MAN1A2: variants seen among roughly 807,000 people sequenced by gnomAD.
MAN1A2 encodes the protein mannosidase alpha class 1A member 2, also known as mannosyl-oligosaccharide 1,2-alpha-mannosidase IB.
In MAN1A2, 26 loss-of-function variants were observed where a neutral mutation model predicts 75.7. The ratio of observed to expected loss-of-function variants is 0.34; its 90% CI spans 0.25 to 0.48. The LOEUF (loss-of-function observed/expected upper bound fraction) is 0.48. Ranked by LOEUF, MAN1A2 falls within the 20% of genes least tolerant of loss-of-function variation. The pLI, the probability that MAN1A2 is intolerant of heterozygous loss-of-function variation, is 0.99. For missense variants in MAN1A2, 562 were observed against 775.5 expected (o/e 0.72, Z 3.27); for synonymous variants, 247 against 264.6 (o/e 0.93, Z 0.65).
intron 8 of MAN1A2, among the ~76,000 whole-genome samples, chr1:117,473,233 T>G (rs1318811045): frequency 6.6e-6 from 1 of 151,964 alleles, no homozygotes; most frequent in Non-Finnish European, 1.5e-5. Context: ...GCCATAAATC[T>G]TGTTGTCATC....
At chr1:117,399,892 T>C (rs1647361527) in intron 1 of MAN1A2, among the ~76,000 whole-genome samples, 1 of 152,182 alleles carries the variant, frequency 6.6e-6, no homozygotes, top group African/African-American at 2.4e-5. Flanking sequence ...GTTTTATGGC[T>C]ACCCTTAGCT....
chr1:117,493,375 A>G (rs1650945079), intron 9 of MAN1A2, 113 bp downstream of exon 9: 1 of 584,072 alleles, frequency 1.7e-6, no homozygotes. Flanking sequence ...GTAAATACAT[A>G]CAAACATTTT....
intron 6 of MAN1A2, among the ~76,000 whole-genome samples, chr1:117,453,238 G>T (rs1165872549): frequency 6.6e-6 from 1 of 152,170 alleles, no homozygotes; most frequent in Non-Finnish European, 1.5e-5. Context: ...ATGGGTCAAG[G>T]AGTGATTAAG....
chr1:117,404,149 A>G (rs1289942), intron 2 of MAN1A2, among the ~76,000 whole-genome samples: 9 of 152,200 alleles, frequency 5.9e-5, no homozygotes, highest in African/African-American at 1.9e-4. Flanking sequence ...TCTGTCTTAG[A>G]TGTTGCTAAT....
At chr1:117,372,751 AC>A (rs1653006124) in intron 1 of MAN1A2, among the ~76,000 whole-genome samples, 2 of 151,968 alleles carry the variant, frequency 1.3e-5, no homozygotes, top group South Asian at 4.2e-4. Context: ...ATAATTAAAA[AC>A]TTTTTTTTTT....
At chr1:117,520,102 G>A (rs1651827824) in intron 12 of MAN1A2, among the ~76,000 whole-genome samples, 2 of 152,020 alleles carry the variant, frequency 1.3e-5, no homozygotes, top group Admixed American at 1.3e-4. Context: ...TTCAGAAAAA[G>A]CATTTGGCAA....
At chr1:117,476,966 G>A (rs1000162094) in intron 8 of MAN1A2, among the ~76,000 whole-genome samples, 8 of 152,004 alleles carry the variant, frequency 5.3e-5, no homozygotes, top group Non-Finnish European at 7.4e-5. Flanking sequence ...ACATTTTCAC[G>A]ATATTGATTC....
chr1:117,402,656 A>T (rs1002147717), intron 2 of MAN1A2, among the ~76,000 whole-genome samples: 1 of 151,224 alleles, frequency 6.6e-6, no homozygotes, highest in African/African-American at 2.4e-5. Context: ...AATATTTTTG[A>T]TACAACTTTT....
chr1:117,504,312 CT>C, intron 12 of MAN1A2, among the ~76,000 whole-genome samples: 1 of 141,878 alleles, frequency 7.0e-6, no homozygotes, highest in African/African-American at 2.5e-5. Context: ...AGTATCTCTC[CT>C]GTTTTTTTTT....
chr1:117,414,389 A>T (rs1327106582), intron 3 of MAN1A2, among the ~76,000 whole-genome samples: 1 of 151,390 alleles, frequency 6.6e-6, no homozygotes, highest in East Asian at 1.9e-4. Flanking sequence ...AAGTAGATAG[A>T]TATCTCATAT....
intron 6 of MAN1A2, among the ~76,000 whole-genome samples, chr1:117,442,649 G>C (rs1649072350): frequency 6.6e-6 from 1 of 151,876 alleles, no homozygotes; most frequent in Non-Finnish European, 1.5e-5. Context: ...TTTCCATTTA[G>C]TGCTAGAATA....
chr1:117,503,512 C>T lies in MAN1A2; in HGVS notation c.1793+542C>T, dbSNP rs938100675. ...GGAAAAGAGTAGACAACTTTATTTT[C>T]GTCTTATACTCCAAACCCCAGGTAG... On this transcript the variant is annotated intron_variant, in intron 12 of 12. Transcript: ENST00000356554. 1.3e-4 allele frequency among the ~76,000 whole-genome samples: 20 copies of T among 151,538 alleles called. No individual in the cohort carries two copies. In the East Asian group the frequency reaches 1.4e-3, roughly 10 times the overall value.
At chr1:117,462,325 A>C (rs566383825) in intron 7 of MAN1A2, among the ~76,000 whole-genome samples, 1 of 152,322 alleles carries the variant, frequency 6.6e-6, no homozygotes, top group East Asian at 1.9e-4. Flanking sequence ...AATAGTAATG[A>C]AAAATGAATT....
chr1:117,425,547 G>A (rs545382494), intron 5 of MAN1A2, among the ~76,000 whole-genome samples: 26 of 152,238 alleles, frequency 1.7e-4, no homozygotes, highest in Admixed American at 1.6e-3. Flanking sequence ...CTGGTTTGAT[G>A]TTCAAAAATC....
At chr1:117,466,235 T>G (rs1649977180) in intron 7 of MAN1A2, 99 bp from the exon 8 acceptor site, 1 of 734,538 alleles carries the variant, frequency 1.4e-6, no homozygotes, top group Non-Finnish European at 2.2e-6. Context: ...AGGGAATAGG[T>G]GTAGATTCTG....
At position 117,419,247 on chromosome 1, in the gene MAN1A2, G is replaced by T. The variant is rs147691527; in HGVS notation, c.775-1322G>T. 7.1e-3 allele frequency among the ~76,000 whole-genome samples: 1,082 copies of T among 152,154 alleles called. 10 individuals are homozygous for T. The highest frequency in any genetic ancestry group is 0.023 in the African/African-American group (964 of 41,518). Reference sequence around the variant, plus strand: ...TCTAAACTGATGTAAGATTTAAAAGGCTCATTTTAACTATAGTGTGCTGAA... The same window carrying T: ...TCTAAACTGATGTAAGATTTAAAAGTCTCATTTTAACTATAGTGTGCTGAA... On this transcript the variant is annotated intron_variant, in intron 4 of 12. Transcript: ENST00000356554.
chr1:117,371,055 A>C (rs1652946616), intron 1 of MAN1A2, among the ~76,000 whole-genome samples: 1 of 152,142 alleles, frequency 6.6e-6, no homozygotes, highest in Admixed American at 6.6e-5. Context: ...AGATTGTTTT[A>C]TTGAAAGAGA....
intron 7 of MAN1A2, 55 bp downstream of exon 7, chr1:117,460,667 G>T: frequency 6.6e-7 from 1 of 1,507,172 alleles, no homozygotes. Context: ...TTTAAGATTG[G>T]CCCAAAGATT....
At chr1:117,490,345 G>A (rs558439018) in intron 8 of MAN1A2, among the ~76,000 whole-genome samples, 1 of 151,766 alleles carries the variant, frequency 6.6e-6, no homozygotes, top group Non-Finnish European at 1.5e-5. Context: ...TTTTTCCTTA[G>A]TATTATGTAT....
Sources: allele counts gnomAD v4.1 joint callset (sites outside exome capture counted in the v4.1 genomes callset), GRCh38; gene constraint gnomAD v4.1.1; transcripts MANE v1.5; gene names NCBI Gene and HGNC (gene_info 2026-07-23, HGNC 2026-07-21).